Variants in AFG2A observed in about 807,000 individuals in gnomAD.
AFG2A encodes the protein AAA ATPase AFG2A.
At chr4:122,971,982 T>G in the AFG2A span, among the ~76,000 whole-genome samples, 1 of 152,134 alleles carries the variant, frequency 6.6e-6, no homozygotes, top group Non-Finnish European at 1.5e-5. Flanking sequence ...TTTTTTTTCC[T>G]TGTAATGTCC....
At chr4:123,145,568 A>G in the AFG2A span, among the ~76,000 whole-genome samples, 3 of 152,128 alleles carry the variant, frequency 2.0e-5, no homozygotes, top group Admixed American at 6.5e-5. Context: ...AACTTCCACA[A>G]AGTTAGTAGT....
chr4:123,304,294 G>A, the AFG2A span, among the ~76,000 whole-genome samples: 1 of 152,104 alleles, frequency 6.6e-6, no homozygotes, highest in Non-Finnish European at 1.5e-5. Flanking sequence ...ATGGGCCTGG[G>A]TAAAGGGCCC....
chr4:123,171,418 G>A, the AFG2A span, among the ~76,000 whole-genome samples: 1 of 152,082 alleles, frequency 6.6e-6, no homozygotes, highest in Non-Finnish European at 1.5e-5. Context: ...GAAACAGAAA[G>A]AAGGCAAACA....
the AFG2A span, chr4:123,316,460 A>G: frequency 6.6e-6 from 1 of 152,188 alleles, no homozygotes; most frequent in African/African-American, 2.4e-5. Flanking sequence ...ATTGAAATAA[A>G]TACAACCTCA....
At chr4:123,008,024 A>T in the AFG2A span, among the ~76,000 whole-genome samples, 2 of 151,914 alleles carry the variant, frequency 1.3e-5, no homozygotes, top group Non-Finnish European at 2.9e-5. Context: ...GTCTTAGTCC[A>T]TTTAGTATTG....
At chr4:123,139,396 C>T in the AFG2A span, among the ~76,000 whole-genome samples, 1 of 151,982 alleles carries the variant, frequency 6.6e-6, no homozygotes, top group South Asian at 2.1e-4. Context: ...CAGACACAAC[C>T]ATCTTTTATT....
the AFG2A span, among the ~76,000 whole-genome samples, chr4:123,173,045 T>G: frequency 3.3e-5 from 5 of 152,158 alleles, no homozygotes; most frequent in African/African-American, 1.2e-4. Flanking sequence ...GATATTGAAA[T>G]GGTAGTCAAA....
chr4:123,274,913 T>TA, the AFG2A span, among the ~76,000 whole-genome samples: 1 of 152,168 alleles, frequency 6.6e-6, no homozygotes, highest in Non-Finnish European at 1.5e-5. Flanking sequence ...ATGGTTGGAA[T>TA]AAAAATATGA....
the AFG2A span, among the ~76,000 whole-genome samples, chr4:123,071,307 C>T: frequency 6.6e-6 from 1 of 152,004 alleles, no homozygotes; most frequent in East Asian, 1.9e-4. Context: ...ATGGAGAAAC[C>T]CCGTCTCTAC....
the AFG2A span, among the ~76,000 whole-genome samples, chr4:123,066,117 TA>T: frequency 6.6e-6 from 1 of 152,032 alleles, no homozygotes; most frequent in Non-Finnish European, 1.5e-5. Flanking sequence ...GGGAAAAAAA[TA>T]AAAAAGTTCT....
the AFG2A span, among the ~76,000 whole-genome samples, chr4:123,223,626 A>G: frequency 1.3e-5 from 2 of 152,160 alleles, no homozygotes; most frequent in Admixed American, 6.6e-5. Flanking sequence ...CAAATCTCAC[A>G]GCTACCACAA....
chr4:122,939,520 T>C, the AFG2A span, among the ~76,000 whole-genome samples: 1 of 152,330 alleles, frequency 6.6e-6, no homozygotes, highest in Non-Finnish European at 1.5e-5. Context: ...CTTTTCATGC[T>C]GGATTATGAA....
chr4:123,116,443 G>A, the AFG2A span, among the ~76,000 whole-genome samples: 5 of 152,198 alleles, frequency 3.3e-5, no homozygotes, highest in Admixed American at 6.5e-5. Flanking sequence ...AGTTTTGGTT[G>A]TTACAGCTGG....
the AFG2A span, among the ~76,000 whole-genome samples, chr4:123,157,856 T>C: frequency 3.3e-5 from 5 of 152,194 alleles, no homozygotes; most frequent in Non-Finnish European, 2.9e-5. Flanking sequence ...AATATGTTAT[T>C]GTTAAAAGAA....
chr4:123,228,600 A>G, the AFG2A span, among the ~76,000 whole-genome samples: 2 of 152,014 alleles, frequency 1.3e-5, no homozygotes, highest in Non-Finnish European at 2.9e-5. Flanking sequence ...TGTAAACCAG[A>G]AATTATGCTG....
At chr4:123,030,672 T>C in the AFG2A span, among the ~76,000 whole-genome samples, 1 of 152,214 alleles carries the variant, frequency 6.6e-6, no homozygotes, top group Admixed American at 6.5e-5. Context: ...ATTATTCAAT[T>C]TTTGAATCTG....
At chr4:122,959,767 A>G in the AFG2A span, among the ~76,000 whole-genome samples, 1 of 152,338 alleles carries the variant, frequency 6.6e-6, no homozygotes, top group East Asian at 1.9e-4. Context: ...TTTACAATCC[A>G]TACTTTGTGA....
the AFG2A span, among the ~76,000 whole-genome samples, chr4:123,176,605 G>T: frequency 6.6e-6 from 1 of 152,160 alleles, no homozygotes; most frequent in Non-Finnish European, 1.5e-5. Context: ...CTCTAGTGTG[G>T]TCGGACGGAA....
chr4:123,034,736 T>A, the AFG2A span, among the ~76,000 whole-genome samples: 1 of 152,178 alleles, frequency 6.6e-6, no homozygotes, highest in African/African-American at 2.4e-5. Context: ...TGGGTGGGCA[T>A]ATGCGAGCTG....
Sources: gnomAD v4.1 joint callset for allele counts (sites outside exome capture counted in the v4.1 genomes callset) on GRCh38, gnomAD v4.1.1 for gene constraint, MANE v1.5 for transcripts, NCBI Gene and HGNC (gene_info 2026-07-23, HGNC 2026-07-21) for gene names.